JPH2: variants seen among roughly 807,000 people sequenced by gnomAD.
The protein encoded by JPH2 is junctophilin-2.
In JPH2, 38 loss-of-function variants were observed where a neutral mutation model predicts 55.9. The observed-to-expected ratio is 0.68, with a 90% CI of 0.52 to 0.89. JPH2 has a LOEUF of 0.89. JPH2 is among the 40% of genes least tolerant of loss of function. The pLI is 0.00. For missense variants in JPH2, 964 were observed against 1,037.6 expected, an observed-to-expected ratio of 0.93 and a Z score of 0.97; for synonymous variants, 480 against 472.4, an observed-to-expected ratio of 1.02 and a Z score of -0.21.
chr20:44,143,454 C>T (rs1181200936), intron 2 of JPH2, among the ~76,000 whole-genome samples: 2 of 152,212 alleles, frequency 1.3e-5, no homozygotes, highest in Non-Finnish European at 2.9e-5. Flanking sequence ...GGCCCCTTCA[C>T]CCTCTGCCGC....
chr20:44,167,972 G>C (rs550815279), intron 1 of JPH2, among the ~76,000 whole-genome samples: 2 of 152,304 alleles, frequency 1.3e-5, no homozygotes, highest in East Asian at 3.9e-4. Flanking sequence ...AATAAATGCA[G>C]CCATGGCAGC....
At chr20:44,134,875 T>TAAA (rs1256470725) in intron 2 of JPH2, among the ~76,000 whole-genome samples, 198 of 25,100 alleles carry the variant, frequency 7.9e-3, no homozygotes, top group Non-Finnish European at 0.01. Flanking sequence ...AATATATATA[T>TAAA]TTATATATAT....
At chr20:44,144,420 C>T (rs1391828553) in intron 2 of JPH2, among the ~76,000 whole-genome samples, 1 of 152,146 alleles carries the variant, frequency 6.6e-6, no homozygotes, top group African/African-American at 2.4e-5. Context: ...ATTGTCCTCA[C>T]CATAACCTTG....
In JPH2 at chr20:44,110,955, G is replaced by T. The variant is rs1183499294; in HGVS notation, c.*2563C>A. ...TGTGCCTGAACTCGAGCCTACTGTT[G>T]GTTGAGGGACCTTCTTCTCCAACCC... On this transcript the variant is annotated 3_prime_UTR_variant, in exon 6 of 6. Coordinates refer to ENST00000372980, the MANE Select transcript of JPH2 (RefSeq NM_020433.5). Among the ~76,000 whole-genome samples the T allele has an allele frequency of 6.6e-6, 1 of 152,166 alleles. No homozygotes were observed. The highest frequency in any genetic ancestry group is 2.1e-4 in the South Asian group (1 of 4,828).
At chr20:44,168,781 A>G (rs1407608647) in intron 1 of JPH2, among the ~76,000 whole-genome samples, 2 of 152,196 alleles carry the variant, frequency 1.3e-5, no homozygotes, top group African/African-American at 4.8e-5. Context: ...CGGAAATGCA[A>G]GTGCTATGGT....
intron 5 of JPH2, among the ~76,000 whole-genome samples, chr20:44,114,401 T>G (rs1176140656): frequency 6.6e-6 from 1 of 152,150 alleles, no homozygotes; most frequent in Non-Finnish European, 1.5e-5. Context: ...AGTTCAGGGT[T>G]ACTTTCATTA....
chr20:44,139,277 C>T (rs777826495), intron 2 of JPH2, among the ~76,000 whole-genome samples: 8 of 152,066 alleles, frequency 5.3e-5, no homozygotes, highest in Non-Finnish European at 5.9e-5. Context: ...ACAATGTGGA[C>T]GGGAAGATAA....
chr20:44,118,886 T>C (rs754771114), intron 2 of JPH2, among the ~76,000 whole-genome samples: 1 of 152,224 alleles, frequency 6.6e-6, no homozygotes, highest in Non-Finnish European at 1.5e-5. Context: ...GCCAGTGCAT[T>C]ATGGGAAGAC....
chr20:44,116,358 C>A lies in JPH2; in HGVS notation c.1317G>T (p.Leu439=). The A allele has an allele frequency of 6.5e-7, 1 of 1,547,726 alleles. No homozygotes were observed. The highest frequency in any genetic ancestry group is 8.7e-7 in the Non-Finnish European group (1 of 1,146,682). The stretch of plus-strand genomic sequence containing the variant: ...TCTCCGAGTTCTCCAGGATCTCCTG[C>A]AGCAGCCGGCGCTTCTGATATTCCG... The part of the protein sequence containing the change: ...PGPEYQKRRL[L]QEILENSESL... The change falls in exon 4 of 6, where the codon CTG becomes CTT. Residue 439 remains leucine (L), a synonymous_variant. Coordinates refer to ENST00000372980, the MANE Select transcript of JPH2 (RefSeq NM_020433.5).
intron 2 of JPH2, among the ~76,000 whole-genome samples, chr20:44,122,696 G>A (rs768161084): frequency 4.6e-5 from 7 of 152,100 alleles, no homozygotes; most frequent in East Asian, 1.9e-4. Context: ...GAGAGGCAAC[G>A]CGTGAAAGTG....
intron 5 of JPH2, among the ~76,000 whole-genome samples, chr20:44,114,403 C>G (rs976453914): frequency 6.6e-6 from 1 of 152,140 alleles, no homozygotes; most frequent in Admixed American, 6.5e-5. Flanking sequence ...TTCAGGGTTA[C>G]TTTCATTATG....
In JPH2 at chr20:44,160,968, A is replaced by G. The variant is rs1185870039; in HGVS notation, c.380-561T>C. 6.6e-6 allele frequency among the ~76,000 whole-genome samples: 1 copy of G among 152,112 alleles called. No homozygotes were observed. Among genetic ancestry groups the G allele is most frequent in the Non-Finnish European group, 1.5e-5 (1 of 68,016 alleles). On this transcript the variant is annotated intron_variant, in intron 1 of 5. Transcript: ENST00000372980. The surrounding 1 kb of genome is among the most constrained non-coding windows in gnomAD (Gnocchi z 4.9). ...GCATGCACCTGTGGTCCCAGCTACT[A>G]GAGAGGCTGAGGTGGGAGGATCACC...
chr20:44,148,431 C>T lies in JPH2; in HGVS notation c.1169+11187G>A, dbSNP rs574580102. Among the ~76,000 whole-genome samples, 3 of 152,272 alleles carry T rather than the reference C, an allele frequency of 2.0e-5. No homozygotes were observed. In the East Asian group the frequency reaches 5.8e-4, roughly 29 times the overall value. On this transcript the variant is annotated intron_variant, in intron 2 of 5. Transcript: ENST00000372980. ...CTCCCGTTCCAGTGCTCCTTCTGCTCTACGTGCCTGCCTCTGTTTCTGACA... is the reference window on the plus strand; with the variant it reads ...CTCCCGTTCCAGTGCTCCTTCTGCTTTACGTGCCTGCCTCTGTTTCTGACA...
Position 44,160,167 on chromosome 20 carries a change from T to C in JPH2, c.620A>G (p.Asn207Ser), listed in dbSNP as rs976272461. The change falls in exon 2 of 6, where the codon AAT (asparagine) becomes AGT (serine). Residue 207 changes from asparagine (N) to serine (S), a missense_variant. Physicochemically the swap from Asn to Ser is conservative, Grantham distance 46. Transcript: ENST00000372980. This position sits in a 1 kb window ranked among gnomAD's most constrained non-coding sequence, Gnocchi z 4.9. ...RGGFALSLLA[N>S]AEAAARAPKG... ...GGGCGCCCGCGCGGCCGCCTCGGCA[T>C]TGGCCAGGAGGCTGAGCGCGAAGCC... The C allele has an allele frequency of 1.1e-5, 16 of 1,424,314 alleles. No homozygotes were observed. The East Asian group carries it at 1.7e-4, about 16-fold the overall frequency. 88.2% of individuals were successfully genotyped at this position (1,424,314 alleles called of 1,614,324 possible).
In JPH2 at chr20:44,134,210, TATATTTATTATAAATATATATAA is replaced by T; in HGVS notation, c.1170-15610_1170-15588del. ...AATATTTATTATAAATATATAAATATATATTTATTATAAATATATATAAATATTTATTATAAATACATATAAAT... is the reference window on the plus strand; with the variant it reads ...AATATTTATTATAAATATATAAATATATATTTATTATAAATACATATAAAT... On this transcript the variant is annotated intron_variant, in intron 2 of 5. Coordinates refer to ENST00000372980, the MANE Select transcript of JPH2 (RefSeq NM_020433.5). Among the ~76,000 whole-genome samples, 2 of 23,222 alleles carry T rather than the reference TATATTTATTATAAATATATATAA, an allele frequency of 8.6e-5. 1 individual carries two copies. The highest frequency in any genetic ancestry group is 1.3e-4 in the Non-Finnish European group (2 of 15,096). The allele number at this position is 23,222 out of a possible 152,430, so 15.2% of individuals were successfully genotyped here. A position where few individuals can be genotyped will look rare whatever the true frequency, so the allele number is the denominator to read the frequency against.
At chr20:44,139,671 T>C (rs968441354) in intron 2 of JPH2, among the ~76,000 whole-genome samples, 2 of 152,224 alleles carry the variant, frequency 1.3e-5, no homozygotes, top group Non-Finnish European at 2.9e-5. Context: ...TTGAACAGTA[T>C]GAAATTGCCA....
Position 44,115,824 on chromosome 20 carries a change from C to G in JPH2, c.1851G>C (p.Glu617Asp), listed in dbSNP as rs759468707. ...GCTTGGGCTCCAGCTTGGCGGGGGT[C>G]TCGCGTGCAGGCTCGGGGCCTCGGA... ...PTLRGPEPARETPAKLEPKPI... is the reference protein window; with the variant it reads ...PTLRGPEPARDTPAKLEPKPI... Residue 617 changes from glutamate (E) to aspartate (D), a missense_variant, in exon 4 of 6, where the codon GAG becomes GAC. Physicochemically the swap from Glu to Asp is conservative, Grantham distance 45 (BLOSUM62 2). Transcript: ENST00000372980. 2.5e-6 allele frequency: 4 copies of G among 1,601,848 alleles called. No homozygotes were observed. Among genetic ancestry groups the G allele is most frequent in the African/African-American group, 2.7e-5 (2 of 74,974 alleles).
chr20:44,160,530 C>T lies in JPH2; in HGVS notation c.380-123G>A, dbSNP rs1161417093. 3 of 979,716 alleles carry T rather than the reference C, an allele frequency of 3.1e-6. No homozygotes were observed. The East Asian group carries it at 7.8e-5, about 25-fold the overall frequency. 60.7% of individuals were successfully genotyped at this position (979,716 alleles called of 1,614,324 possible). On this transcript the variant is annotated intron_variant, in intron 1 of 5. Coordinates refer to ENST00000372980, the MANE Select transcript of JPH2 (RefSeq NM_020433.5). This position sits in a 1 kb window ranked among gnomAD's most constrained non-coding sequence, Gnocchi z 4.9. ...GTGGGACCGAGAGGCGCAAGGCCGT[C>T]TGAGGGTCAGGGTGCACAGTGCTAT...
At chr20:44,156,517 G>T (rs1482531621) in intron 2 of JPH2, among the ~76,000 whole-genome samples, 1 of 152,124 alleles carries the variant, frequency 6.6e-6, no homozygotes, top group Non-Finnish European at 1.5e-5. Flanking sequence ...CATTTGTAGG[G>T]GAAGTCCAAG....
Sources: gnomAD v4.1 joint callset for allele counts (sites outside exome capture counted in the v4.1 genomes callset) on GRCh38, gnomAD v4.1.1 for gene constraint, Gnocchi (gnomAD v3.1) non-coding constraint, MANE v1.5 for transcripts, NCBI Gene and HGNC (gene_info 2026-07-23, HGNC 2026-07-21) for gene names.